Variants in CD226 observed in about 807,000 individuals in gnomAD.
CD226 encodes CD226 antigen.
Under a neutral mutation model 34.9 loss-of-function variants are expected in CD226, and 24 were observed. That is an observed-to-expected ratio of 0.69 (90% confidence interval 0.50 to 0.97). The LOEUF (loss-of-function observed/expected upper bound fraction) is 0.97. Among genes scored for constraint, CD226 ranks in the 50% least tolerant of loss-of-function variants. The pLI is 0.00. For synonymous variants in CD226, 148 were observed against 147.4 expected (o/e 1.00, Z -0.03); for missense variants, 397 against 412.7 (o/e 0.96, Z 0.33).
intron 5 of CD226, among the ~76,000 whole-genome samples, chr18:69,865,354 T>A (rs768018980): frequency 5.3e-5 from 8 of 152,192 alleles, no homozygotes; most frequent in Non-Finnish European, 1.2e-4. Context: ...CTTATAGAGG[T>A]TATCTTTTAA....
chr18:69,876,307 A>G (rs1983859906), intron 3 of CD226, among the ~76,000 whole-genome samples: 1 of 152,224 alleles, frequency 6.6e-6, no homozygotes. Flanking sequence ...AACAATTAAG[A>G]TGGCTTTCTT....
chr18:69,920,396 G>A (rs1293763984), intron 2 of CD226, among the ~76,000 whole-genome samples: 1 of 152,012 alleles, frequency 6.6e-6, no homozygotes, highest in African/African-American at 2.4e-5. Context: ...TTATATACAA[G>A]ATAAAAACAA....
upstream of CD226, among the ~76,000 whole-genome samples, chr18:69,949,294 C>T (rs944270714): frequency 6.6e-6 from 1 of 152,170 alleles, no homozygotes; most frequent in African/African-American, 2.4e-5. Context: ...ATGGAGAAAG[C>T]GGTGCACACA....
Position 69,945,982 on chromosome 18 carries a change from G to A in CD226, c.382+752C>T, listed in dbSNP as rs114918928. 5.1e-3 allele frequency among the ~76,000 whole-genome samples: 772 copies of A among 151,782 alleles called. 4 individuals carry two copies. Among genetic ancestry groups the A allele is most frequent in the African/African-American group, 0.017 (718 of 41,394 alleles). ...AGGACAGCATGGGAAAGACTTGCCC[G>A]CACGATTCAATTACCTCCCACCAGG... On this transcript the variant is annotated intron_variant, in intron 2 of 5. Coordinates refer to ENST00000582621, the MANE Select transcript of CD226 (RefSeq NM_001303618.2).
upstream of CD226, among the ~76,000 whole-genome samples, chr18:69,949,166 G>A (rs940809260): frequency 4.6e-5 from 7 of 152,110 alleles, no homozygotes; most frequent in African/African-American, 9.7e-5. Context: ...AAACCGCGGC[G>A]TCATGCTAAC....
intron 1 of CD226, among the ~76,000 whole-genome samples, chr18:69,954,736 T>C (rs1437231013): frequency 1.3e-5 from 2 of 152,124 alleles, no homozygotes; most frequent in African/African-American, 4.8e-5. Flanking sequence ...CTTGTGTATT[T>C]GCACCCTGGA....
chr18:69,862,338 G>T lies in CD226; in HGVS notation c.*1976C>A, dbSNP rs1179505386. ...TTGATTGTCTTTACCATTCAGAAAA[G>T]AAATTATTTACCTTTTAATTGATGC... On this transcript the variant is annotated 3_prime_UTR_variant, in exon 6 of 6. Transcript: ENST00000582621. 3 of 152,120 alleles carry T rather than the reference G, an allele frequency of 2.0e-5. No homozygotes were observed. Among genetic ancestry groups the T allele is most frequent in the Non-Finnish European group, 4.4e-5 (3 of 67,974 alleles). The allele number at this position is 152,120 out of a possible 1,614,324, so 9.4% of individuals were successfully genotyped here. A position where few individuals can be genotyped will look rare whatever the true frequency, so the allele number is the denominator to read the frequency against.
intron 2 of CD226, among the ~76,000 whole-genome samples, chr18:69,900,717 C>A (rs1274106868): frequency 7.4e-6 from 1 of 135,462 alleles, no homozygotes; most frequent in African/African-American, 2.9e-5. Flanking sequence ...CCGGCCTGGG[C>A]GACAGAGCGA....
chr18:69,911,412 T>A (rs1364123712), intron 2 of CD226, among the ~76,000 whole-genome samples: 1 of 152,238 alleles, frequency 6.6e-6, no homozygotes, highest in Non-Finnish European at 1.5e-5. Flanking sequence ...CCCTGGGAAC[T>A]GCCTTCTTCA....
Position 69,881,571 on chromosome 18 carries a change from C to T in CD226, c.728-8325G>A, listed in dbSNP as rs542922271. Among the ~76,000 whole-genome samples the T allele has an allele frequency of 2.2e-4, 33 of 152,242 alleles. No homozygotes were observed. The South Asian group carries it at 4.2e-3, about 19-fold the overall frequency. On this transcript the variant is annotated intron_variant, in intron 3 of 5. Transcript: ENST00000582621. The stretch of plus-strand genomic sequence containing the variant: ...GCAGAGGTGGTTTCAACATTTTAAG[C>T]GCCAAACGATTTAGGTTATTAATCA...
At chr18:69,906,363 A>T (rs1311227083) in intron 2 of CD226, among the ~76,000 whole-genome samples, 1 of 152,264 alleles carries the variant, frequency 6.6e-6, no homozygotes, top group Admixed American at 6.5e-5. Context: ...CATTGCTAAC[A>T]GTGTGATTCC....
intron 1 of CD226, among the ~76,000 whole-genome samples, chr18:69,955,618 A>AGCACT (rs1456561178): frequency 6.6e-6 from 1 of 152,124 alleles, no homozygotes; most frequent in Admixed American, 6.5e-5. Flanking sequence ...CTGTAATCCC[A>AGCACT]AAGTGAAGGC....
chr18:69,904,972 C>G (rs1276695901), intron 2 of CD226, among the ~76,000 whole-genome samples: 1 of 152,206 alleles, frequency 6.6e-6, no homozygotes, highest in Admixed American at 6.5e-5. Context: ...GTCCCATATA[C>G]TTAAAAATAT....
chr18:69,940,130 C>T (rs561639930), intron 2 of CD226, among the ~76,000 whole-genome samples: 1 of 152,272 alleles, frequency 6.6e-6, no homozygotes, highest in African/African-American at 2.4e-5. Context: ...GCTCTGGGCA[C>T]TCACTCTTCT....
intron 2 of CD226, among the ~76,000 whole-genome samples, chr18:69,940,319 G>A (rs946986182): frequency 2.6e-5 from 4 of 152,188 alleles, no homozygotes; most frequent in Admixed American, 2.6e-4. Context: ...CAGTAAATGA[G>A]TACAGCAGAG....
rs927605168 is a variant in CD226 at position 69,862,721 on chromosome 18, C to A, written c.*1593G>T. 8.6e-6 allele frequency: 1 copy of A among 116,910 alleles called. No individual in the cohort carries two copies. Among genetic ancestry groups the A allele is most frequent in the Non-Finnish European group, 2.0e-5 (1 of 49,832 alleles). 7.2% of individuals were successfully genotyped at this position (116,910 alleles called of 1,614,324 possible). A position where few individuals can be genotyped will look rare whatever the true frequency, so the allele number is the denominator to read the frequency against. On this transcript the variant is annotated 3_prime_UTR_variant, in exon 6 of 6. Coordinates refer to ENST00000582621, the MANE Select transcript of CD226 (RefSeq NM_001303618.2). ...CATACATGGTGTTTAAGGCTAAAAT[C>A]ATAAAATACTCACTAATTAGCTTAA...
chr18:69,866,708 C>A (rs1274681425), intron 5 of CD226, among the ~76,000 whole-genome samples: 1 of 152,168 alleles, frequency 6.6e-6, no homozygotes, highest in African/African-American at 2.4e-5. Context: ...CTCAGAACCT[C>A]ATAATGTGAC....
chr18:69,901,004 G>A (rs917389047), intron 2 of CD226, among the ~76,000 whole-genome samples: 8 of 152,082 alleles, frequency 5.3e-5, no homozygotes, highest in Non-Finnish European at 1.2e-4. Context: ...GTACCACCTT[G>A]GAAGTCATAG....
At chr18:69,955,647 A>T (rs1012900394) in intron 1 of CD226, among the ~76,000 whole-genome samples, 2 of 152,054 alleles carry the variant, frequency 1.3e-5, no homozygotes, top group African/African-American at 4.8e-5. Flanking sequence ...GCGGATCATG[A>T]GGTCAGGAGA....
Sources: gnomAD v4.1 joint callset for allele counts (sites outside exome capture counted in the v4.1 genomes callset) on GRCh38, gnomAD v4.1.1 for gene constraint, MANE v1.5 for transcripts, NCBI Gene and HGNC (gene_info 2026-07-23, HGNC 2026-07-21) for gene names.